Variants in CLTRN observed in about 807,000 individuals in gnomAD.
CLTRN encodes collectrin, amino acid transport regulator.
A neutral mutation model predicts 14.5 loss-of-function variants in CLTRN; 12 were observed. The observed-to-expected ratio is 0.83, with a 90% confidence interval of 0.53 to 1.34. The LOEUF (loss-of-function observed/expected upper bound fraction) is 1.34, where lower values mean the gene tolerates loss of function less well. CLTRN is among the 40% of genes most tolerant of loss of function. The pLI is 0.00. For missense variants in CLTRN, 154 were observed against 165.1 expected, an observed-to-expected ratio of 0.93 and a Z score of 0.37; for synonymous variants, 58 against 56.5, an observed-to-expected ratio of 1.03 and a Z score of -0.12.
At chrX:15,664,690 T>A (rs370084733) in intron 1 of CLTRN, 28 bp downstream of exon 1, 10 of 1,157,583 alleles carry the variant, frequency 8.6e-6, no homozygotes, top group Non-Finnish European at 1.2e-5. Flanking sequence ...AAACTGTTCA[T>A]CTATTTTTAA....
At chrX:15,630,375 G>A (rs954506274) in intron 5 of CLTRN, among the ~76,000 whole-genome samples, 1 of 57,314 alleles carries the variant, frequency 1.7e-5, no homozygotes, top group African/African-American at 1.1e-4. Flanking sequence ...AAGGAAGGAA[G>A]GAAGGAAGGA....
chrX:15,670,911 T>C (rs1929707896), intron 1 of CLTRN, among the ~76,000 whole-genome samples: 1 of 102,532 alleles, frequency 9.8e-6, no homozygotes. Context: ...TGTGTGTGTG[T>C]GTGTGTGTGT....
At chrX:15,661,460 C>T (rs1347470004) in intron 2 of CLTRN, among the ~76,000 whole-genome samples, 3 of 112,130 alleles carry the variant, frequency 2.7e-5, no homozygotes, top group Non-Finnish European at 1.9e-5. Flanking sequence ...GGTATCCTGC[C>T]AGTGGAACCA....
chrX:15,650,529 A>C (rs574343100), intron 3 of CLTRN, among the ~76,000 whole-genome samples: 169 of 112,117 alleles, frequency 1.5e-3, no homozygotes, highest in African/African-American at 5.3e-3. Context: ...TTCAGATGTA[A>C]AATTATTTAT....
intron 4 of CLTRN, among the ~76,000 whole-genome samples, chrX:15,641,456 G>C (rs1229097322): frequency 8.9e-6 from 1 of 112,002 alleles, no homozygotes; most frequent in Non-Finnish European, 1.9e-5. Flanking sequence ...ATATATCCAA[G>C]AAAATGTAAT....
chrX:15,633,064 T>C (rs980236373), intron 5 of CLTRN, among the ~76,000 whole-genome samples: 6 of 110,417 alleles, frequency 5.4e-5, no homozygotes, highest in South Asian at 3.8e-4. Context: ...CTGGAATGAT[T>C]TGAGTGGGCA....
At chrX:15,651,611 C>T (rs1929218419) in intron 3 of CLTRN, among the ~76,000 whole-genome samples, 1 of 111,448 alleles carries the variant, frequency 9.0e-6, no homozygotes, top group African/African-American at 3.3e-5. Context: ...GTTGCAGGGT[C>T]ACTAGGGAGA....
Position 15,644,967 on chromosome X carries a change from T to C in CLTRN, c.266A>G (p.Asp89Gly), listed in dbSNP as rs1483035715. Residue 89 changes from aspartate to glycine, a missense_variant, in exon 4 of 6, where the codon GAC (aspartate) becomes GGC (glycine). Asp to Gly is a moderately conservative substitution (Grantham distance 94). Coordinates refer to ENST00000380342, the MANE Select transcript of CLTRN (RefSeq NM_020665.6). The part of the protein sequence containing the change: ...QRVSFWFVVT[D>G]PSKNHTLPAV... ...AGGAAGGGTGTGATTTTTTGAAGGG[T>C]CTGTAACCACAAACCAGAATGATAC... 1 of 1,207,987 alleles carries C rather than the reference T, an allele frequency of 8.3e-7. No homozygotes were observed. The highest frequency in any genetic ancestry group is 3.0e-5 in the East Asian group (1 of 33,607).
chrX:15,667,984 T>C (rs1929653421), upstream of CLTRN, among the ~76,000 whole-genome samples: 1 of 112,559 alleles, frequency 8.9e-6, no homozygotes, highest in Non-Finnish European at 1.9e-5. Flanking sequence ...GTGTAAGCCA[T>C]TCATCTGAAA....
At chrX:15,674,077 G>C (rs147459468) in intron 1 of CLTRN, among the ~76,000 whole-genome samples, 2,326 of 112,126 alleles carry the variant, frequency 0.021, 58 homozygotes, top group African/African-American at 0.072. Context: ...TTTGACTCTT[G>C]TCTTATTTCT....
intron 2 of CLTRN, among the ~76,000 whole-genome samples, chrX:15,661,818 T>C (rs1416686537): frequency 8.9e-6 from 1 of 112,652 alleles, no homozygotes; most frequent in Non-Finnish European, 1.9e-5. Context: ...CATCTTTATA[T>C]GCCACGTGTG....
chrX:15,641,506 G>A (rs1205013419), intron 4 of CLTRN, among the ~76,000 whole-genome samples: 4 of 111,363 alleles, frequency 3.6e-5, no homozygotes, highest in African/African-American at 1.3e-4. Flanking sequence ...TTGCATGTTT[G>A]TTTGTTTGTT....
In CLTRN at chrX:15,629,515, G is replaced by A. The variant is rs572986416; in HGVS notation, c.513-1388C>T. On this transcript the variant is annotated intron_variant, in intron 5 of 5. Transcript: ENST00000380342. ...ATCATTTTCCCCTATCAGTTTTATTGAGGTATAATTGACAAATAAAAATTG... is the reference window on the plus strand; with the variant it reads ...ATCATTTTCCCCTATCAGTTTTATTAAGGTATAATTGACAAATAAAAATTG... Among the ~76,000 whole-genome samples, 56 of 111,206 alleles carry A rather than the reference G, an allele frequency of 5.0e-4. 3 individuals are homozygous for A. In the South Asian group the frequency reaches 0.021, roughly 41 times the overall value.
At chrX:15,661,741 A>G (rs1929513070) in intron 2 of CLTRN, among the ~76,000 whole-genome samples, 3 of 112,845 alleles carry the variant, frequency 2.7e-5, no homozygotes, top group African/African-American at 3.2e-5. Context: ...AAGAATGTCC[A>G]TAGCAGCTTA....
intron 4 of CLTRN, among the ~76,000 whole-genome samples, chrX:15,644,302 T>C (rs1294313275): frequency 8.9e-6 from 1 of 111,750 alleles, no homozygotes; most frequent in Non-Finnish European, 1.9e-5. Flanking sequence ...ATGATTCTTG[T>C]CCATAGAAAA....
chrX:15,652,614 T>C (rs1929246948), intron 3 of CLTRN, among the ~76,000 whole-genome samples: 1 of 111,306 alleles, frequency 9.0e-6, no homozygotes, highest in Non-Finnish European at 1.9e-5. Context: ...GTTGTTGTTG[T>C]TGTTGTTTTT....
At chrX:15,671,912 ACT>A (rs1426594459) in intron 1 of CLTRN, among the ~76,000 whole-genome samples, 29 of 109,450 alleles carry the variant, frequency 2.6e-4, no homozygotes, top group African/African-American at 9.6e-4. Flanking sequence ...TAAGCAAGAA[ACT>A]CTATAATGTG....
intron 1 of CLTRN, among the ~76,000 whole-genome samples, chrX:15,670,878 A>T (rs1929703694): frequency 1.4e-5 from 1 of 73,546 alleles, no homozygotes; most frequent in Non-Finnish European, 2.6e-5. Context: ...AAAGGGAGAC[A>T]AGTGTGTGTG....
chrX:15,646,469 C>CCCCCCCCCCCCCCCCCCCCAAAA, intron 3 of CLTRN: 1 of 261,701 alleles, frequency 3.8e-6, no homozygotes, highest in Admixed American at 4.5e-5. Flanking sequence ...CCCACCCCCC[C>CCCCCCCCCCCCCCCCCCCCAAAA]GCCCGACCCC....
Sources: allele counts gnomAD v4.1 joint callset (sites outside exome capture counted in the v4.1 genomes callset), GRCh38; gene constraint gnomAD v4.1.1; transcripts MANE v1.5; gene names NCBI Gene and HGNC (gene_info 2026-07-23, HGNC 2026-07-21).